Variants in RPGRIP1L observed in about 807,000 individuals in gnomAD.
RPGRIP1L encodes protein fantom.
A neutral mutation model predicts 160.4 loss-of-function variants in RPGRIP1L; 131 were observed. The observed-to-expected ratio is 0.82, with a 90% CI of 0.71 to 0.94. The LOEUF (loss-of-function observed/expected upper bound fraction) is 0.94, where lower values mean the gene tolerates loss of function less well. Ranked by LOEUF, RPGRIP1L falls within the 40% of genes least tolerant of loss-of-function variation. The pLI is 0.00. For synonymous variants in RPGRIP1L, 510 were observed against 515.8 expected, an observed-to-expected ratio of 0.99 and a Z score of 0.15; for missense variants, 1,522 against 1,535.8, an observed-to-expected ratio of 0.99 and a Z score of 0.15.
In RPGRIP1L at chr16:53,657,643, A is replaced by G; in HGVS notation, c.1402-11T>C. On this transcript the variant is annotated splice_polypyrimidine_tract_variant and intron_variant, in intron 12 of 26. Coordinates refer to ENST00000647211, the MANE Select transcript of RPGRIP1L (RefSeq NM_015272.5). ...TTGTTCTTTTTGAGCCTAAAATAAA[A>G]AACATGTTTTATGACTGAAACAAAA... 1 of 1,530,434 alleles carries G rather than the reference A, an allele frequency of 6.5e-7. No individual in the cohort carries two copies. Among genetic ancestry groups the G allele is most frequent in the Non-Finnish European group, 8.9e-7 (1 of 1,118,718 alleles). 94.8% of individuals were successfully genotyped at this position (1,530,434 alleles called of 1,614,324 possible).
rs1462169249 is a variant in RPGRIP1L at position 53,675,243 on chromosome 16, C to G, written c.777-121G>C. 2.1e-5 allele frequency: 14 copies of G among 682,640 alleles called. No homozygotes were observed. In the East Asian group the frequency reaches 3.8e-4, roughly 19 times the overall value. The allele number at this position is 682,640 out of a possible 1,614,324, so 42.3% of individuals were successfully genotyped here. A position where few individuals can be genotyped will look rare whatever the true frequency, so the allele number is the denominator to read the frequency against. On this transcript the variant is annotated intron_variant, in intron 6 of 26. Transcript: ENST00000647211. ...CATAGAAAATATTTATATACTTGTA[C>G]ATCAGTCAATGAGGTTTTTGGATTA... is the stretch of plus-strand genomic sequence containing the variant.
chr16:53,629,012 A>G (rs1289437395), intron 22 of RPGRIP1L, among the ~76,000 whole-genome samples: 1 of 152,144 alleles, frequency 6.6e-6, no homozygotes, highest in South Asian at 2.1e-4. Flanking sequence ...ATGTGTATAA[A>G]TAGATACAAA....
intron 22 of RPGRIP1L, among the ~76,000 whole-genome samples, chr16:53,624,436 C>T (rs915233620): frequency 1.3e-5 from 2 of 151,704 alleles, no homozygotes; most frequent in Non-Finnish European, 2.9e-5. Context: ...GCCTGGTACT[C>T]GGGAGGCTGA....
chr16:53,623,965 C>T (rs1419619124), intron 22 of RPGRIP1L, among the ~76,000 whole-genome samples: 3 of 152,198 alleles, frequency 2.0e-5, no homozygotes. Context: ...GATGACAACT[C>T]ACTGCAGCCT....
intron 6 of RPGRIP1L, among the ~76,000 whole-genome samples, chr16:53,676,450 T>A (rs1969179516): frequency 6.6e-6 from 1 of 152,096 alleles, no homozygotes; most frequent in South Asian, 2.1e-4. Flanking sequence ...ATATTCTTTT[T>A]TTCATATTTA....
intron 1 of RPGRIP1L, among the ~76,000 whole-genome samples, chr16:53,702,153 T>C (rs1167435175): frequency 1.3e-5 from 2 of 152,222 alleles, no homozygotes; most frequent in African/African-American, 4.8e-5. Flanking sequence ...TGTTCTGTTA[T>C]AGGAATGAAG....
At chr16:53,698,807 A>T (rs1971116573) in intron 2 of RPGRIP1L, among the ~76,000 whole-genome samples, 1 of 150,076 alleles carries the variant, frequency 6.7e-6, no homozygotes, top group African/African-American at 2.5e-5. Flanking sequence ...CTCGTCCGGG[A>T]GGTGAGGGGC....
At chr16:53,676,378 G>A (rs1598382361) in intron 6 of RPGRIP1L, among the ~76,000 whole-genome samples, 1 of 151,348 alleles carries the variant, frequency 6.6e-6, no homozygotes, top group Non-Finnish European at 1.5e-5. Context: ...ATTACCTTTA[G>A]CCACTAAAAA....
chr16:53,698,782 C>T (rs535469497), intron 2 of RPGRIP1L, among the ~76,000 whole-genome samples: 3 of 150,628 alleles, frequency 2.0e-5, no homozygotes, highest in Admixed American at 6.6e-5. Flanking sequence ...GTCAGCCCCC[C>T]ACCCGGCCAG....
At chr16:53,603,709 T>TG (rs1567787230) in intron 26 of RPGRIP1L, among the ~76,000 whole-genome samples, 2 of 150,390 alleles carry the variant, frequency 1.3e-5, no homozygotes, top group East Asian at 3.9e-4. Context: ...TGTGTGTGTG[T>TG]TTAATTCCAA....
At chr16:53,676,058 T>C (rs918041187) in intron 6 of RPGRIP1L, among the ~76,000 whole-genome samples, 7 of 152,182 alleles carry the variant, frequency 4.6e-5, no homozygotes, top group Non-Finnish European at 8.8e-5. Flanking sequence ...AAAACTTATC[T>C]AGTGTACACA....
chr16:53,696,373 T>A, intron 2 of RPGRIP1L, 78 bp from the exon 3 acceptor site: 6 of 1,421,418 alleles, frequency 4.2e-6, no homozygotes, highest in South Asian at 1.2e-5. Flanking sequence ...ATATAATCTC[T>A]GATGCACTCA....
Position 53,645,953 on chromosome 16 carries a change from TGTGGAATCTGTAGA to T in RPGRIP1L, c.2341_2354del (p.Ser781ArgfsTer6). 6.2e-7 allele frequency: 1 copy of T among 1,614,130 alleles called. No homozygotes were observed. The highest frequency in any genetic ancestry group is 8.5e-7 in the Non-Finnish European group (1 of 1,179,984). On this transcript the variant is annotated frameshift_variant, in exon 17 of 27. Transcript: ENST00000647211. LOFTEE classifies it high-confidence loss of function. ...TGTGAAGTTCATTTAAGTTGCCATC[TGTGGAATCTGTAGA>T]ACTGAGTTGAGCAGTTTTGGGTGCT...
At chr16:53,632,314 T>C (rs539519047) in intron 22 of RPGRIP1L, among the ~76,000 whole-genome samples, 2 of 152,218 alleles carry the variant, frequency 1.3e-5, no homozygotes, top group South Asian at 2.1e-4. Flanking sequence ...GTCCTAATTT[T>C]GTGACATTAT....
At chr16:53,691,989 A>C in intron 4 of RPGRIP1L, 77 bp downstream of exon 4, 1 of 1,370,646 alleles carries the variant, frequency 7.3e-7, no homozygotes, top group South Asian at 1.2e-5. Context: ...GTAATACAGA[A>C]GTAAAACTTT....
chr16:53,643,482 A>T (rs1490819428), intron 17 of RPGRIP1L, among the ~76,000 whole-genome samples: 2 of 152,068 alleles, frequency 1.3e-5, no homozygotes, highest in African/African-American at 4.8e-5. Context: ...GGAAAGTAAA[A>T]GCTGAGGCAG....
In RPGRIP1L at chr16:53,641,475, C is replaced by A; in HGVS notation, c.2684G>T (p.Gly895Val). 1 of 1,611,318 alleles carries A rather than the reference C, an allele frequency of 6.2e-7. No individual in the cohort carries two copies. Among genetic ancestry groups the A allele is most frequent in the South Asian group, 1.1e-5 (1 of 90,988 alleles). Residue 895 changes from glycine (G) to valine (V), a missense_variant and splice_region_variant, in exon 18 of 27, where the codon GGA (glycine) becomes GTA (valine). Physicochemically the swap from Gly to Val is moderately radical, Grantham distance 109. Transcript: ENST00000647211. ...TTGATGGTCTGTTAACTCAAATATT[C>A]CTGTCAAATTACAATAATTTTAATT... is the stretch of plus-strand genomic sequence containing the variant. ...ISLAHDRCIS[G>V]IFELTDHQKH... is the part of the protein sequence containing the mutation.
Position 53,652,814 on chromosome 16 carries a change from C to T in RPGRIP1L, c.1873G>A (p.Gly625Arg), listed in dbSNP as rs1156977888. The change falls in exon 15 of 27, where the codon GGA (glycine) becomes AGA (arginine). Residue 625 changes from glycine to arginine, a missense_variant. Coordinates refer to ENST00000647211, the MANE Select transcript of RPGRIP1L (RefSeq NM_015272.5). The stretch of plus-strand genomic sequence containing the variant: ...CAGAAAGTGACAGGCTCTTTATCTC[C>T]AGATGCCTGTAAAACTTCAGAAGAA... ...TFSSEVLQAS[G>R]DKEPVTFCTY... is the part of the protein sequence containing the mutation. 1 of 1,613,890 alleles carries T rather than the reference C, an allele frequency of 6.2e-7. No individual in the cohort carries two copies. Among genetic ancestry groups the T allele is most frequent in the South Asian group, 1.1e-5 (1 of 90,996 alleles).
In RPGRIP1L at chr16:53,651,279, T is replaced by C. The variant is rs1014794962; in HGVS notation, c.2152+1256A>G. 1.3e-5 allele frequency among the ~76,000 whole-genome samples: 2 copies of C among 152,352 alleles called. 1 individual carries two copies. Among genetic ancestry groups the C allele is most frequent in the Middle Eastern group, 6.8e-3 (2 of 294 alleles). On this transcript the variant is annotated intron_variant, in intron 15 of 26. Transcript: ENST00000647211. ...TCTTGAAGGAGAAGTTAATAAAATA[T>C]GTACTGAATATGACTACTTTTTATC... is the stretch of plus-strand genomic sequence containing the variant.
Sources: allele counts gnomAD v4.1 joint callset (sites outside exome capture counted in the v4.1 genomes callset), GRCh38; gene constraint gnomAD v4.1.1; transcripts MANE v1.5; gene names NCBI Gene and HGNC (gene_info 2026-07-23, HGNC 2026-07-21).